The following RABL6 variants were observed in gnomAD, a reference collection of about 807,000 sequenced individuals.
RABL6 encodes the protein rab-like protein 6.
In RABL6, 28 loss-of-function variants were observed where a neutral mutation model predicts 72.9. The observed-to-expected ratio is 0.38, with a 90% CI of 0.28 to 0.53. The LOEUF is 0.53. Ranked by LOEUF, RABL6 falls within the 20% of genes least tolerant of loss-of-function variation. The pLI, the probability that RABL6 is intolerant of heterozygous loss-of-function variation, is 0.80. For synonymous variants in RABL6, 477 were observed against 421.2 expected (o/e 1.13, Z -1.62); for missense variants, 1,029 against 1,008.4 (o/e 1.02, Z -0.28).
rs1564373652 is a variant in RABL6, at chr9:136,839,308, GC to G, written c.1581del (p.Thr528GlnfsTer71). On this transcript the variant is annotated frameshift_variant, in exon 12 of 15. Transcript: ENST00000311502. LOFTEE classifies it high-confidence loss of function. ...CCCTGGCCAGGCGGTGTCTCTGTTC[GC>G]ACAGGTCCGGAGAAGCGCAGCAGCA... Reference protein sequence around the residue: ...APPWPGGVSVRTGPEKRSSTR... With the variant: ...APPWPGGVSVXTGPEKRSSTR... The G allele has an allele frequency of 6.2e-7, 1 of 1,612,204 alleles. No homozygotes were observed. Among genetic ancestry groups the G allele is most frequent in the Non-Finnish European group, 8.5e-7 (1 of 1,179,662 alleles).
At chr9:136,825,068 C>T (rs1188981327) in intron 2 of RABL6, among the ~76,000 whole-genome samples, 2 of 152,210 alleles carry the variant, frequency 1.3e-5, no homozygotes, top group Admixed American at 6.5e-5. Context: ...GTCCCCAGCA[C>T]GCCCCACAAC....
chr9:136,837,200 G>T (rs775389711), intron 8 of RABL6, 146 bp from the exon 9 acceptor site: 27 of 925,850 alleles, frequency 2.9e-5, no homozygotes, highest in Non-Finnish European at 1.4e-5. Context: ...GGAAGTGGAT[G>T]GGGATGATGG....
intron 4 of RABL6, among the ~76,000 whole-genome samples, chr9:136,828,828 T>G (rs1260595408): frequency 6.6e-6 from 1 of 152,140 alleles, no homozygotes; most frequent in Non-Finnish European, 1.5e-5. Flanking sequence ...TTTATCCCAG[T>G]CTCGGTGGGC....
Position 136,839,128 on chromosome 9 carries a change from G to T in RABL6, c.1493+7G>T, listed in dbSNP as rs754824559. The T allele has an allele frequency of 2.9e-5, 47 of 1,611,694 alleles. No homozygotes were observed. In the East Asian group the frequency reaches 1.0e-3, roughly 36 times the overall value. On this transcript the variant is annotated splice_region_variant and intron_variant, in intron 11 of 14. Transcript: ENST00000311502. ...CAGAGCCAGAGACCAAGTGGTAAGG[G>T]CAGGTGTCCCCACGGGTGCGGCCTG...
At position 136,837,876 on chromosome 9, in the gene RABL6, G is replaced by A. The variant is rs750391671; in HGVS notation, c.1141G>A (p.Ala381Thr). 1.0e-5 allele frequency: 16 copies of A among 1,549,806 alleles called. No individual in the cohort carries two copies. The highest frequency in any genetic ancestry group is 2.4e-5 in the East Asian group (1 of 40,966). ...ACTGTTCACAGAGCCAGTCCCGGCC[G>A]CAGAGGGCCCAGCAACGGTCCAGAG... Reference protein sequence around the residue: ...APPPPEPVPAAEGPATVQSVE... With the variant: ...APPPPEPVPATEGPATVQSVE... The change falls in exon 10 of 15, where the codon GCA becomes ACA. Residue 381 changes from alanine (A) to threonine (T), a missense_variant. Ala to Thr is a moderately conservative substitution (Grantham distance 58). Around this residue, in one of 2 missense-constraint regions of RABL6, gnomAD observed 434 missense variants for 536.1 expected, o/e 0.81. Transcript: ENST00000311502.
chr9:136,821,625 C>A (rs1247398185), intron 1 of RABL6: 2 of 987,922 alleles, frequency 2.0e-6, no homozygotes, highest in East Asian at 2.3e-4. Context: ...TGCCTCGGGC[C>A]GGAGGAGGGA....
intron 1 of RABL6, chr9:136,814,788 C>A: frequency 6.5e-6 from 1 of 153,972 alleles, no homozygotes; most frequent in South Asian, 2.0e-4. Flanking sequence ...CTGTGCTTCT[C>A]ACTCTCCACT....
chr9:136,824,243 CTG>C (rs1848303079), intron 2 of RABL6, among the ~76,000 whole-genome samples: 1 of 150,958 alleles, frequency 6.6e-6, no homozygotes, highest in Non-Finnish European at 1.5e-5. Context: ...AGCAGCTGCC[CTG>C]TGTGTTCAGA....
chr9:136,808,393 C>T (rs1375193799), intron 1 of RABL6, 67 bp downstream of exon 1: 31 of 1,376,902 alleles, frequency 2.3e-5, no homozygotes, highest in Non-Finnish European at 2.9e-5. Flanking sequence ...CCCCGGGCGC[C>T]GCGCGGTGGT....
At chr9:136,815,262 G>T in intron 1 of RABL6, 1 of 298,462 alleles carries the variant, frequency 3.4e-6, no homozygotes, top group Non-Finnish European at 6.7e-6. Context: ...TCCCTTCTTG[G>T]CAGGTGTGGC....
intron 1 of RABL6, among the ~76,000 whole-genome samples, chr9:136,815,870 A>T (rs900053453): frequency 6.6e-6 from 1 of 152,234 alleles, no homozygotes; most frequent in Non-Finnish European, 1.5e-5. Context: ...TCTGCATTGT[A>T]TCTTCTAAAA....
At chr9:136,822,113 A>G in intron 1 of RABL6, 1 of 1,282,720 alleles carries the variant, frequency 7.8e-7, no homozygotes, top group Non-Finnish European at 1.0e-6. Flanking sequence ...GGTGGGGCAC[A>G]GGGACAGCCC....
In RABL6 at chr9:136,837,515, G is replaced by A. The variant is rs1246250679; in HGVS notation, c.979G>A (p.Ala327Thr). The change falls in exon 9 of 15, where the codon GCC becomes ACC. Residue 327 changes from alanine to threonine, a missense_variant. Around this residue, in one of 2 missense-constraint regions of RABL6, gnomAD observed 434 missense variants for 536.1 expected, o/e 0.81. Transcript: ENST00000311502. ...PQPAPQLPLN[A>T]APPSSVPPVP... ...GCCCGCCCCACAGCTGCCCCTCAATGCCGCCCCACCATCCTCTGTGCCCCC... is the reference window on the plus strand; with the variant it reads ...GCCCGCCCCACAGCTGCCCCTCAATACCGCCCCACCATCCTCTGTGCCCCC... 2.7e-6 allele frequency: 4 copies of A among 1,499,584 alleles called. No homozygotes were observed. Among genetic ancestry groups the A allele is most frequent in the Non-Finnish European group, 3.6e-6 (4 of 1,110,984 alleles). 92.9% of individuals were successfully genotyped at this position (1,499,584 alleles called of 1,614,324 possible). A position where few individuals can be genotyped will look rare whatever the true frequency, so the allele number is the denominator to read the frequency against.
rs990411778 is a variant in RABL6 at position 136,813,562 on chromosome 9, T to C, written c.130+5236T>C. ...TCTGTCTTAACCTCAATATAAGCAGTCCCTTTACTCTTCCCATCCTTGCTG... is the reference window on the plus strand; with the variant it reads ...TCTGTCTTAACCTCAATATAAGCAGCCCCTTTACTCTTCCCATCCTTGCTG... On this transcript the variant is annotated intron_variant, in intron 1 of 14. Coordinates refer to ENST00000311502, the MANE Select transcript of RABL6 (RefSeq NM_024718.5). The C allele has an allele frequency of 1.0e-5, 4 of 381,022 alleles. No individual in the cohort carries two copies. The Admixed American group carries it at 1.1e-4, about 10-fold the overall frequency. The allele number at this position is 381,022 out of a possible 1,614,324, so 23.6% of individuals were successfully genotyped here.
rs1588340144 is a variant in RABL6 at position 136,808,116 on chromosome 9, G to A, written c.-81G>A. ...GCCTCCGGGGGGGCCGGGGCCGCCG[G>A]GACATGGTGCCAGTCGCACCCCTTC... On this transcript the variant is annotated 5_prime_UTR_variant, in exon 1 of 15. Transcript: ENST00000311502. 10 of 1,367,568 alleles carry A rather than the reference G, an allele frequency of 7.3e-6. No individual in the cohort carries two copies. In the East Asian group the frequency reaches 2.1e-4, roughly 28 times the overall value. The allele number at this position is 1,367,568 out of a possible 1,614,324, so 84.7% of individuals were successfully genotyped here.
At chr9:136,821,546 C>T (rs1389385122) in intron 1 of RABL6, 1 of 985,300 alleles carries the variant, frequency 1.0e-6, no homozygotes, top group African/African-American at 1.7e-5. Flanking sequence ...CGAGCCCGGG[C>T]TGCTGCTCAT....
chr9:136,840,197 G>GAAA lies in RABL6; in HGVS notation c.1978_1980dup (p.Lys660dup). On this transcript the variant is annotated inframe_insertion, in exon 14 of 15. Coordinates refer to ENST00000311502, the MANE Select transcript of RABL6 (RefSeq NM_024718.5). The stretch of plus-strand genomic sequence containing the variant: ...CCTCTAAGGAGAAGAAGAAGAAGAA[G>GAAA]AAAAAAGGCAAAGAGGTACTGGCTA... The GAAA allele has an allele frequency of 6.2e-7, 1 of 1,612,698 alleles. No individual in the cohort carries two copies. The highest frequency in any genetic ancestry group is 8.5e-7 in the Non-Finnish European group (1 of 1,179,760).
chr9:136,819,853 A>T (rs1848202404), intron 1 of RABL6, among the ~76,000 whole-genome samples: 1 of 152,158 alleles, frequency 6.6e-6, no homozygotes, highest in African/African-American at 2.4e-5. Context: ...GCTTGAGCCC[A>T]GGAGGTCGAG....
In RABL6 at chr9:136,839,602, A is replaced by G. The variant is rs577839225; in HGVS notation, c.1759-92A>G. On this transcript the variant is annotated intron_variant, in intron 12 of 14. Coordinates refer to ENST00000311502, the MANE Select transcript of RABL6 (RefSeq NM_024718.5). Reference sequence around the variant, plus strand: ...TCTGGAAGAGGCATCTCATGTCCCCACACTTGGGCCTTGCCGGCCTGGTTT... The same window carrying G: ...TCTGGAAGAGGCATCTCATGTCCCCGCACTTGGGCCTTGCCGGCCTGGTTT... 7 of 1,547,528 alleles carry G rather than the reference A, an allele frequency of 4.5e-6. No homozygotes were observed. The Middle Eastern group carries it at 5.2e-4, about 116-fold the overall frequency.
Sources: gnomAD v4.1 joint callset for allele counts (sites outside exome capture counted in the v4.1 genomes callset) on GRCh38, gnomAD v4.1.1 for gene constraint, gnomAD v4.1.1 regional missense constraint, MANE v1.5 for transcripts, NCBI Gene and HGNC (gene_info 2026-07-23, HGNC 2026-07-21) for gene names.